Variants in TOX observed in about 807,000 individuals in gnomAD.
The protein encoded by TOX is thymocyte selection-associated high mobility group box protein TOX.
A neutral mutation model predicts 53.7 loss-of-function variants in TOX; 11 were observed. That is an observed-to-expected ratio of 0.20 (90% confidence interval 0.13 to 0.34). The LOEUF is 0.34. Among genes scored for constraint, TOX ranks in the 10% least tolerant of loss-of-function variants. TOX has a pLI of 1.00. For synonymous variants in TOX, 225 were observed against 245.3 expected (o/e 0.92, Z 0.77); for missense variants, 570 against 664.6 (o/e 0.86, Z 1.56).
chr8:58,907,659 A>G (rs1486889081), intron 3 of TOX, among the ~76,000 whole-genome samples: 1 of 152,190 alleles, frequency 6.6e-6, no homozygotes, highest in Non-Finnish European at 1.5e-5. Flanking sequence ...ATGAAGGCAC[A>G]TACAATTTTT....
At chr8:59,112,546 T>A (rs1805034189) in intron 1 of TOX, among the ~76,000 whole-genome samples, 1 of 152,212 alleles carries the variant, frequency 6.6e-6, no homozygotes, top group African/African-American at 2.4e-5. Context: ...GAGACCAGCC[T>A]ATCTAGTTCT....
chr8:59,002,489 G>A (rs1377458899), intron 1 of TOX, among the ~76,000 whole-genome samples: 1 of 151,214 alleles, frequency 6.6e-6, no homozygotes, highest in African/African-American at 2.4e-5. Context: ...CTCCTCGGGA[G>A]GCTGAGGCAG....
intron 3 of TOX, among the ~76,000 whole-genome samples, chr8:58,873,044 C>A (rs1811224247): frequency 6.6e-6 from 1 of 151,900 alleles, no homozygotes; most frequent in Non-Finnish European, 1.5e-5. Flanking sequence ...TAAAAATTGC[C>A]CCAGTTTTAC....
chr8:58,955,128 T>C (rs1053334304), intron 2 of TOX, among the ~76,000 whole-genome samples: 1 of 152,222 alleles, frequency 6.6e-6, no homozygotes, highest in Non-Finnish European at 1.5e-5. Context: ...CAGGAAAACA[T>C]AATATTGCTA....
At chr8:59,023,796 TA>T (rs1481308168) in intron 1 of TOX, among the ~76,000 whole-genome samples, 2 of 152,096 alleles carry the variant, frequency 1.3e-5, no homozygotes, top group Admixed American at 1.3e-4. Context: ...CCTGTCCTTC[TA>T]AAAAAATGTC....
chr8:58,962,520 G>C (rs1363837995), intron 1 of TOX, among the ~76,000 whole-genome samples: 1 of 152,130 alleles, frequency 6.6e-6, no homozygotes, highest in Non-Finnish European at 1.5e-5. Flanking sequence ...CAGGACCCCT[G>C]GCTTTTTAGC....
chr8:58,918,788 T>C (rs1020394672), intron 3 of TOX, among the ~76,000 whole-genome samples: 1 of 115,618 alleles, frequency 8.6e-6, no homozygotes, highest in African/African-American at 3.5e-5. Flanking sequence ...GACGACATGA[T>C]TGTTTATCTA....
chr8:58,992,819 G>A (rs1464616864), intron 1 of TOX: 1 of 152,082 alleles, frequency 6.6e-6, no homozygotes, highest in Admixed American at 6.5e-5. Flanking sequence ...GTTTGAAGAT[G>A]GAGATAAAAA....
chr8:58,996,485 C>T (rs957644617), intron 1 of TOX, among the ~76,000 whole-genome samples: 3 of 152,142 alleles, frequency 2.0e-5, no homozygotes, highest in Admixed American at 2.0e-4. Context: ...TCTAATGAGG[C>T]AAGCAAATAA....
At chr8:58,858,456 T>C (rs1810951983) in intron 3 of TOX, among the ~76,000 whole-genome samples, 1 of 152,244 alleles carries the variant, frequency 6.6e-6, no homozygotes, top group Admixed American at 6.5e-5. Context: ...CTGGCTCTGC[T>C]CTGATCCAGC....
At chr8:59,010,935 C>T (rs893265037) in intron 1 of TOX, among the ~76,000 whole-genome samples, 24 of 152,196 alleles carry the variant, frequency 1.6e-4, no homozygotes, top group Admixed American at 7.2e-4. Context: ...ATAGCTGAAT[C>T]ACAGTCATAA....
intron 3 of TOX, among the ~76,000 whole-genome samples, chr8:58,889,006 C>A (rs1265583452): frequency 2.0e-5 from 3 of 151,596 alleles, no homozygotes; most frequent in Admixed American, 2.0e-4. Context: ...GGGCAAAATC[C>A]AAGTTTGATA....
intron 1 of TOX, among the ~76,000 whole-genome samples, chr8:58,994,053 A>T (rs932740936): frequency 6.6e-5 from 10 of 152,120 alleles, no homozygotes; most frequent in African/African-American, 2.4e-4. Flanking sequence ...GTTTCTAGAG[A>T]CCTGAGCCAG....
At chr8:59,027,651 G>T (rs2129419812) in intron 1 of TOX, among the ~76,000 whole-genome samples, 1 of 152,026 alleles carries the variant, frequency 6.6e-6, no homozygotes. Context: ...TATTACCTTT[G>T]CCCAATCTGA....
chr8:59,031,019 A>T (rs1247884401), intron 1 of TOX, among the ~76,000 whole-genome samples: 3 of 152,224 alleles, frequency 2.0e-5, no homozygotes, highest in Non-Finnish European at 4.4e-5. Flanking sequence ...TATTTGCCAT[A>T]TGCAGAGAAA....
chr8:59,015,435 C>T (rs1813989643), intron 1 of TOX, among the ~76,000 whole-genome samples: 1 of 152,208 alleles, frequency 6.6e-6, no homozygotes, highest in African/African-American at 2.4e-5. Flanking sequence ...TACCCACTAT[C>T]TCTGAATAGA....
intron 1 of TOX, among the ~76,000 whole-genome samples, chr8:58,986,863 A>G (rs572148516): frequency 6.6e-6 from 1 of 152,188 alleles, no homozygotes; most frequent in African/African-American, 2.4e-5. Context: ...AGGGCTGAAT[A>G]AGAAAAAAGA....
chr8:58,879,574 AT>A (rs1357669469), intron 3 of TOX, among the ~76,000 whole-genome samples: 8 of 152,218 alleles, frequency 5.3e-5, no homozygotes, highest in Non-Finnish European at 1.2e-4. Flanking sequence ...ATGAAAAAAA[AT>A]ATGCCAAGAG....
chr8:59,074,329 T>A (rs1345788313), intron 1 of TOX, among the ~76,000 whole-genome samples: 13 of 152,198 alleles, frequency 8.5e-5, no homozygotes, highest in Admixed American at 8.5e-4. Flanking sequence ...AAATGTTGAA[T>A]ATTTGTAGAG....
Sources: gnomAD v4.1 joint callset for allele counts (sites outside exome capture counted in the v4.1 genomes callset) on GRCh38, gnomAD v4.1.1 for gene constraint, MANE v1.5 for transcripts, NCBI Gene and HGNC (gene_info 2026-07-23, HGNC 2026-07-21) for gene names.